Variants in UBR3 observed in about 807,000 individuals in gnomAD.
The protein encoded by UBR3 is E3 ubiquitin-protein ligase UBR3.
Under a neutral mutation model 243.2 loss-of-function variants are expected in UBR3, and 85 were observed. That is an observed-to-expected ratio of 0.35 (90% CI 0.29 to 0.42). The LOEUF is 0.42. Among genes scored for constraint, UBR3 ranks in the 10% least tolerant of loss-of-function variants. The pLI is 1.00. For missense variants in UBR3, 1,686 were observed against 2,300.8 expected (o/e 0.73, Z 5.47); for synonymous variants, 748 against 799.8 (o/e 0.94, Z 1.09).
At chr2:169,890,343 A>G (rs2084280105) in intron 5 of UBR3, among the ~76,000 whole-genome samples, 1 of 151,632 alleles carries the variant, frequency 6.6e-6, no homozygotes, top group Non-Finnish European at 1.5e-5. Context: ...CAGTGTTAAC[A>G]TGCTCTGATC....
chr2:170,080,293 A>T (rs1266207039), intron 37 of UBR3: 2 of 563,328 alleles, frequency 3.6e-6, no homozygotes, highest in East Asian at 6.0e-5. Flanking sequence ...GTGAAACAGA[A>T]GTCATCTGTG....
At chr2:169,938,448 A>G (rs2086433402) in intron 19 of UBR3, among the ~76,000 whole-genome samples, 3 of 151,304 alleles carry the variant, frequency 2.0e-5, no homozygotes, top group Admixed American at 6.6e-5. Flanking sequence ...TTTTGTAGAG[A>G]TGGGGTCTCT....
intron 31 of UBR3, among the ~76,000 whole-genome samples, chr2:170,034,130 C>T (rs1342646406): frequency 2.0e-5 from 3 of 151,804 alleles, no homozygotes; most frequent in Non-Finnish European, 4.4e-5. Flanking sequence ...TATCAATATC[C>T]ACCACCAGTG....
chr2:169,987,224 C>G (rs1458652266), intron 25 of UBR3, among the ~76,000 whole-genome samples: 3 of 151,738 alleles, frequency 2.0e-5, no homozygotes, highest in Non-Finnish European at 4.4e-5. Flanking sequence ...GAAACCCCGT[C>G]TCTACTAAAA....
At chr2:169,872,608 G>C (rs1275383238) in intron 2 of UBR3, among the ~76,000 whole-genome samples, 2 of 151,958 alleles carry the variant, frequency 1.3e-5, no homozygotes, top group Non-Finnish European at 2.9e-5. Flanking sequence ...AAATGTTTTT[G>C]ATCAAACTTA....
intron 32 of UBR3, among the ~76,000 whole-genome samples, chr2:170,051,654 C>T (rs959091564): frequency 8.5e-5 from 13 of 152,210 alleles, no homozygotes; most frequent in Non-Finnish European, 2.9e-5. Context: ...CACATCACTT[C>T]TTTTTAGTAA....
At chr2:169,918,018 T>C (rs2085531504) in intron 11 of UBR3, among the ~76,000 whole-genome samples, 1 of 152,194 alleles carries the variant, frequency 6.6e-6, no homozygotes, top group Admixed American at 6.5e-5. Context: ...CATGTTTTTA[T>C]ATGGTGCTTA....
At chr2:169,921,280 C>A (rs2085686883) in intron 11 of UBR3, among the ~76,000 whole-genome samples, 1 of 152,126 alleles carries the variant, frequency 6.6e-6, no homozygotes, top group African/African-American at 2.4e-5. Flanking sequence ...ATTTGGAGTT[C>A]AGGAGTGAGA....
intron 22 of UBR3, among the ~76,000 whole-genome samples, chr2:169,948,442 C>G (rs1187719794): frequency 3.3e-5 from 5 of 151,864 alleles, no homozygotes; most frequent in Non-Finnish European, 7.4e-5. Context: ...GCTCTCATTG[C>G]ATGTAAGTTA....
chr2:169,842,490 C>G (rs946565207), intron 1 of UBR3, among the ~76,000 whole-genome samples: 1 of 152,280 alleles, frequency 6.6e-6, no homozygotes, highest in East Asian at 1.9e-4. Flanking sequence ...TTTGTTCTTT[C>G]ACTCTTTGCA....
intron 30 of UBR3, among the ~76,000 whole-genome samples, chr2:170,023,855 CGTA>C (rs1252117318): frequency 4.6e-5 from 7 of 152,176 alleles, no homozygotes; most frequent in African/African-American, 1.7e-4. Flanking sequence ...GGATTACAGG[CGTA>C]AGCCATTGTG....
In UBR3 at chr2:169,827,599, C is replaced by T. The variant is rs1399584285; in HGVS notation, c.92C>T (p.Thr31Ile). The change falls in exon 1 of 39, where the codon ACC becomes ATC. Residue 31 changes from threonine (T) to isoleucine (I), a missense_variant. Coordinates refer to ENST00000272793, the MANE Select transcript of UBR3 (RefSeq NM_172070.4). ...APGLALDKAA[T>I]AAHLKAALSR... Reference sequence around the variant, plus strand: ...GGGCTGGCCCTAGACAAGGCGGCCACCGCCGCGCACCTCAAGGCGGCCCTC... The same window carrying T: ...GGGCTGGCCCTAGACAAGGCGGCCATCGCCGCGCACCTCAAGGCGGCCCTC... The T allele has an allele frequency of 4.8e-6, 6 of 1,256,038 alleles. No individual in the cohort carries two copies. The highest frequency in any genetic ancestry group is 3.2e-5 in the East Asian group (1 of 31,010). 77.8% of individuals were successfully genotyped at this position (1,256,038 alleles called of 1,614,324 possible). A position where few individuals can be genotyped will look rare whatever the true frequency, so the allele number is the denominator to read the frequency against.
At chr2:170,072,339 G>A (rs549984738) in intron 35 of UBR3, among the ~76,000 whole-genome samples, 42 of 151,444 alleles carry the variant, frequency 2.8e-4, no homozygotes, top group South Asian at 1.0e-3. Flanking sequence ...ACCAAACACC[G>A]CATATTCTCA....
intron 24 of UBR3, among the ~76,000 whole-genome samples, chr2:169,984,798 G>A (rs2088920495): frequency 6.6e-6 from 1 of 152,124 alleles, no homozygotes; most frequent in South Asian, 2.1e-4. Flanking sequence ...GGACATTGGT[G>A]TCTGTAATTT....
intron 3 of UBR3, among the ~76,000 whole-genome samples, chr2:169,876,963 T>C (rs1309513715): frequency 6.6e-6 from 1 of 152,212 alleles, no homozygotes; most frequent in Non-Finnish European, 1.5e-5. Flanking sequence ...TTTTAAGTTT[T>C]TGTGTTGTAT....
intron 3 of UBR3, 126 bp from the exon 4 acceptor site, chr2:169,877,368 A>G (rs2083657866): frequency 1.2e-6 from 1 of 802,050 alleles, no homozygotes; most frequent in African/African-American, 1.8e-5. Flanking sequence ...GCTATCTTAT[A>G]TTATTCATTC....
intron 23 of UBR3, among the ~76,000 whole-genome samples, chr2:169,955,620 C>T (rs2087245178): frequency 6.6e-6 from 1 of 151,590 alleles, no homozygotes; most frequent in South Asian, 2.1e-4. Flanking sequence ...GTGGAGAAAC[C>T]CTGTCTCTAC....
chr2:170,061,978 G>A (rs1471255562), intron 35 of UBR3, among the ~76,000 whole-genome samples: 1 of 152,166 alleles, frequency 6.6e-6, no homozygotes, highest in Non-Finnish European at 1.5e-5. Context: ...TTAGATCAAT[G>A]ATGATACATT....
rs1441907284 is a variant in UBR3, at chr2:169,949,704, C to T, written c.3184C>T (p.Arg1062Cys). Residue 1062 changes from arginine to cysteine, a missense_variant, in exon 23 of 39, where the codon CGT becomes TGT. Coordinates refer to ENST00000272793, the MANE Select transcript of UBR3 (RefSeq NM_172070.4). ...RSSSEANQVV[R>C]PKTSSKWSAP... ...TAGCAGTGAAGCAAATCAGGTGGTTCGTCCCAAAACTTCAAGTAAATGGTC... is the reference window on the plus strand; with the variant it reads ...TAGCAGTGAAGCAAATCAGGTGGTTTGTCCCAAAACTTCAAGTAAATGGTC... 8 of 1,551,524 alleles carry T rather than the reference C, an allele frequency of 5.2e-6. No individual in the cohort carries two copies. The highest frequency in any genetic ancestry group is 2.4e-5 in the East Asian group (1 of 40,906).
Sources: gnomAD v4.1 joint callset for allele counts (sites outside exome capture counted in the v4.1 genomes callset) on GRCh38, gnomAD v4.1.1 for gene constraint, MANE v1.5 for transcripts, NCBI Gene and HGNC (gene_info 2026-07-23, HGNC 2026-07-21) for gene names.